The following C8orf90 variants were observed in gnomAD, a reference collection of about 807,000 sequenced individuals.
C8orf90 encodes the protein uncharacterized protein C8orf90.
At chr8:141,518,582 C>T in the C8orf90 span, 5 of 430,868 alleles carry the variant, frequency 1.2e-5, no homozygotes, top group African/African-American at 4.2e-5. Flanking sequence ...GCGCGGGGCC[C>T]GGGCCCGGCC....
chr8:141,517,040 A>C, the C8orf90 span, among the ~76,000 whole-genome samples: 30,707 of 152,200 alleles, frequency 0.2, 3,526 homozygotes, highest in East Asian at 0.33. Flanking sequence ...ATTTGTGCAG[A>C]GGGAAGAGAC....
At chr8:141,517,553 C>T in the C8orf90 span, among the ~76,000 whole-genome samples, 1 of 152,206 alleles carries the variant, frequency 6.6e-6, no homozygotes, top group Non-Finnish European at 1.5e-5. Flanking sequence ...CCAAACTCCT[C>T]TTCCACCTCC....
the C8orf90 span, chr8:141,518,485 C>G: frequency 1.6e-6 from 1 of 637,642 alleles, no homozygotes; most frequent in Non-Finnish European, 2.8e-6. Flanking sequence ...AGCTTCGCCC[C>G]CAGCGCTGCT....
the C8orf90 span, chr8:141,514,829 T>C: frequency 1.5e-6 from 1 of 689,246 alleles, no homozygotes; most frequent in Non-Finnish European, 2.6e-6. Flanking sequence ...GCTCTGAGAA[T>C]GTGGGAGCAG....
At chr8:141,518,646 G>A in the C8orf90 span, 6 of 540,470 alleles carry the variant, frequency 1.1e-5, no homozygotes, top group East Asian at 3.5e-5. Flanking sequence ...CGAGGCCAGC[G>A]CTTCCAGCGA....
At chr8:141,514,916 C>T in the C8orf90 span, 1 of 609,778 alleles carries the variant, frequency 1.6e-6, no homozygotes, top group Non-Finnish European at 3.0e-6. Flanking sequence ...TGGGGCTGGG[C>T]CAGGATGGGG....
At chr8:141,518,567 C>T in the C8orf90 span, 15 of 429,594 alleles carry the variant, frequency 3.5e-5, no homozygotes, top group Non-Finnish European at 5.6e-5. Flanking sequence ...CTGAGCTGCG[C>T]CCGCGCGCGG....
chr8:141,514,681 C>T, the C8orf90 span: 7 of 700,496 alleles, frequency 1.0e-5, no homozygotes, highest in Admixed American at 4.0e-5. Context: ...AGAAGCCTGT[C>T]TCCCGGGCTG....
At chr8:141,518,674 C>T in the C8orf90 span, 2 of 543,034 alleles carry the variant, frequency 3.7e-6, no homozygotes, top group Non-Finnish European at 3.2e-6. Context: ...CCCAGGCTGG[C>T]CCAGGCCCCG....
At chr8:141,517,152 G>T in the C8orf90 span, among the ~76,000 whole-genome samples, 1 of 149,356 alleles carries the variant, frequency 6.7e-6, no homozygotes, top group South Asian at 2.1e-4. Context: ...CTCTGGGTCT[G>T]TATCCTCACC....
At chr8:141,514,802 G>A in the C8orf90 span, 47 of 697,582 alleles carry the variant, frequency 6.7e-5, no homozygotes, top group African/African-American at 1.1e-4. Context: ...GACGGGAAGG[G>A]GGACGGGGCA....
chr8:141,517,236 C>G, the C8orf90 span, among the ~76,000 whole-genome samples: 6 of 152,368 alleles, frequency 3.9e-5, no homozygotes, highest in South Asian at 2.1e-4. Flanking sequence ...TGGTCATATT[C>G]ATCCATTCCC....
chr8:141,518,530 C>G, the C8orf90 span: 1 of 530,652 alleles, frequency 1.9e-6, no homozygotes. Context: ...GGCAGCGATG[C>G]GCAAGCGGCG....
At chr8:141,517,577 GC>G in the C8orf90 span, among the ~76,000 whole-genome samples, 2 of 152,130 alleles carry the variant, frequency 1.3e-5, no homozygotes, top group Admixed American at 6.5e-5. Context: ...CCCTCCTGGG[GC>G]CGCACCTCCC....
At chr8:141,518,582 C>G in the C8orf90 span, 1 of 430,976 alleles carries the variant, frequency 2.3e-6, no homozygotes. Flanking sequence ...GCGCGGGGCC[C>G]GGGCCCGGCC....
the C8orf90 span, among the ~76,000 whole-genome samples, chr8:141,515,177 C>G: frequency 6.7e-6 from 1 of 149,884 alleles, no homozygotes; most frequent in Non-Finnish European, 1.5e-5. Flanking sequence ...CATCCATTCA[C>G]TCACCCATCT....
the C8orf90 span, among the ~76,000 whole-genome samples, chr8:141,516,309 C>G: frequency 1.3e-5 from 2 of 152,212 alleles, no homozygotes; most frequent in African/African-American, 2.4e-5. Flanking sequence ...AGCCGAACCT[C>G]AGGAAGGTCA....
the C8orf90 span, among the ~76,000 whole-genome samples, chr8:141,517,363 G>A: frequency 6.6e-6 from 1 of 152,224 alleles, no homozygotes; most frequent in Admixed American, 6.5e-5. Flanking sequence ...TGGCTGCTTT[G>A]CTCACTTCAG....
At chr8:141,516,216 C>T in the C8orf90 span, among the ~76,000 whole-genome samples, 2 of 152,228 alleles carry the variant, frequency 1.3e-5, no homozygotes, top group Non-Finnish European at 2.9e-5. Context: ...TTCCCACTGG[C>T]ATGAAAGCAT....
Sources: allele counts gnomAD v4.1 joint callset (sites outside exome capture counted in the v4.1 genomes callset), GRCh38; gene constraint gnomAD v4.1.1; transcripts MANE v1.5; gene names NCBI Gene and HGNC (gene_info 2026-07-23, HGNC 2026-07-21).